HIVEP3: variants seen among roughly 807,000 people sequenced by gnomAD.
HIVEP3 encodes the protein transcription factor HIVEP3.
Under a neutral mutation model 152.8 loss-of-function variants are expected in HIVEP3, and 49 were observed. The ratio of observed to expected loss-of-function variants is 0.32; its 90% CI spans 0.26 to 0.41. HIVEP3 has a LOEUF of 0.41. HIVEP3 is among the 10% of genes least tolerant of loss of function. The probability of loss-of-function intolerance (pLI) is 1.00; values close to 1 mark genes in which losing one functional copy is unlikely to be tolerated. For missense variants in HIVEP3, 2,790 were observed against 3,103.3 expected (o/e 0.90, Z 2.40); for synonymous variants, 1,269 against 1,289.0 (o/e 0.98, Z 0.33).
intron 1 of HIVEP3, among the ~76,000 whole-genome samples, chr1:41,945,931 C>G (rs573197613): frequency 6.6e-6 from 1 of 152,224 alleles, no homozygotes; most frequent in Non-Finnish European, 1.5e-5. Context: ...AAAAGTCTGC[C>G]TTAGGCCCAG....
At chr1:41,764,856 A>G (rs1444676237) in intron 1 of HIVEP3, among the ~76,000 whole-genome samples, 1 of 152,154 alleles carries the variant, frequency 6.6e-6, no homozygotes, top group East Asian at 1.9e-4. Context: ...CATGGCAGTG[A>G]CGCTCTCCCT....
chr1:41,968,635 T>A (rs1645212444), intron 1 of HIVEP3, among the ~76,000 whole-genome samples: 1 of 152,192 alleles, frequency 6.6e-6, no homozygotes, highest in Non-Finnish European at 1.5e-5. Context: ...AGCATTCCCC[T>A]TGAAATCTGG....
At chr1:41,900,303 G>A (rs1187253472) in intron 1 of HIVEP3, among the ~76,000 whole-genome samples, 1 of 152,158 alleles carries the variant, frequency 6.6e-6, no homozygotes, top group Admixed American at 6.5e-5. Context: ...CTAACAAAGT[G>A]CCTGGTACTG....
chr1:41,828,892 C>T (rs906381680), intron 1 of HIVEP3, among the ~76,000 whole-genome samples: 2 of 152,358 alleles, frequency 1.3e-5, no homozygotes, highest in East Asian at 1.9e-4. Flanking sequence ...ATCTGGCATA[C>T]ACAATATTTT....
At chr1:41,681,734 C>A (rs1646041994) in intron 2 of HIVEP3, among the ~76,000 whole-genome samples, 1 of 152,170 alleles carries the variant, frequency 6.6e-6, no homozygotes, top group Admixed American at 6.5e-5. Flanking sequence ...GCTGGTGGCA[C>A]CTGAGGGAGG....
At chr1:41,886,699 T>G (rs1488084417) in intron 1 of HIVEP3, among the ~76,000 whole-genome samples, 1 of 73,234 alleles carries the variant, frequency 1.4e-5, no homozygotes. Context: ...GCAACAAGAG[T>G]GAAACTCCAT....
At chr1:41,737,488 G>A (rs1029998922) in intron 1 of HIVEP3, among the ~76,000 whole-genome samples, 1 of 152,168 alleles carries the variant, frequency 6.6e-6, no homozygotes, top group African/African-American at 2.4e-5. Flanking sequence ...CCAAAAGGCT[G>A]AGCATACCCC....
intron 5 of HIVEP3, among the ~76,000 whole-genome samples, chr1:41,567,559 C>T (rs866104226): frequency 4.6e-5 from 7 of 152,182 alleles, no homozygotes; most frequent in Non-Finnish European, 8.8e-5. Flanking sequence ...GAGCAAGGTG[C>T]TGGGCCTCAG....
At chr1:41,996,061 C>G (rs1325163225) in intron 1 of HIVEP3, among the ~76,000 whole-genome samples, 1 of 152,110 alleles carries the variant, frequency 6.6e-6, no homozygotes, top group Non-Finnish European at 1.5e-5. Context: ...AATAGTTTCT[C>G]TCTGTGCCAC....
At chr1:41,903,375 TGA>T (rs1362826885) in intron 1 of HIVEP3, among the ~76,000 whole-genome samples, 1 of 152,136 alleles carries the variant, frequency 6.6e-6, no homozygotes, top group African/African-American at 2.4e-5. Flanking sequence ...TCTGAAAAAT[TGA>T]GATACTAAGA....
At chr1:42,031,604 T>G (rs931334687) in intron 1 of HIVEP3, among the ~76,000 whole-genome samples, 2 of 152,176 alleles carry the variant, frequency 1.3e-5, no homozygotes, top group Non-Finnish European at 2.9e-5. Flanking sequence ...ACAACCAAAC[T>G]ATCTCTAGGT....
At chr1:42,005,986 T>G (rs1373496616) in intron 1 of HIVEP3, among the ~76,000 whole-genome samples, 1 of 152,190 alleles carries the variant, frequency 6.6e-6, no homozygotes, top group African/African-American at 2.4e-5. Context: ...CCTGGGAATT[T>G]CCAGTTCCAG....
chr1:41,746,980 C>A (rs897021921), intron 1 of HIVEP3, among the ~76,000 whole-genome samples: 2 of 152,062 alleles, frequency 1.3e-5, no homozygotes, highest in African/African-American at 4.8e-5. Flanking sequence ...ACCCCCGGCT[C>A]GAGGATCCAT....
chr1:41,900,822 G>C (rs560814937), intron 1 of HIVEP3, among the ~76,000 whole-genome samples: 1 of 152,298 alleles, frequency 6.6e-6, no homozygotes, highest in African/African-American at 2.4e-5. Context: ...AGGGAGAAAG[G>C]GGAGTGGCCG....
At chr1:41,955,128 A>G (rs1305127973) in intron 1 of HIVEP3, among the ~76,000 whole-genome samples, 1 of 152,194 alleles carries the variant, frequency 6.6e-6, no homozygotes, top group Admixed American at 6.5e-5. Context: ...TCACAACAAC[A>G]TATCAGCCAG....
rs777948023 is a variant in HIVEP3, at chr1:41,510,726, G to A, written c.6946C>T (p.Pro2316Ser). 198 of 1,546,280 alleles carry A rather than the reference G, an allele frequency of 1.3e-4. No individual in the cohort carries two copies. Among genetic ancestry groups the A allele is most frequent in the Non-Finnish European group, 1.7e-4 (193 of 1,146,146 alleles). Residue 2316 changes from proline to serine, a missense_variant, in exon 9 of 9, where the codon CCC (proline) becomes TCC (serine). Pro to Ser is a moderately conservative substitution (Grantham distance 74). Transcript: ENST00000372583. ...GCCCGGCGTCCCTGGGGCGGCCGGG[G>A]CAAGGTGTCGGGTGGGGTGCAGGGG... ...HSPCTPPDTL[P>S]RPPQGRRAAQ... is the part of the protein sequence containing the mutation.
chr1:41,971,383 A>G (rs999568188), intron 1 of HIVEP3, among the ~76,000 whole-genome samples: 5 of 152,200 alleles, frequency 3.3e-5, no homozygotes, highest in Admixed American at 2.6e-4. Context: ...TGCCCTTTGC[A>G]ATCTGATCAC....
chr1:41,950,100 A>G (rs543360232), intron 1 of HIVEP3, among the ~76,000 whole-genome samples: 424 of 152,268 alleles, frequency 2.8e-3, no homozygotes, highest in Middle Eastern at 6.8e-3. Context: ...CTCACACCCG[A>G]CCAATCAGGT....
chr1:41,520,798 G>T (rs2149050409), intron 6 of HIVEP3, among the ~76,000 whole-genome samples: 1 of 152,370 alleles, frequency 6.6e-6, no homozygotes, highest in Non-Finnish European at 1.5e-5. Context: ...CAAAGTCCAT[G>T]TAATTCAACC....
Sources: allele counts gnomAD v4.1 joint callset (sites outside exome capture counted in the v4.1 genomes callset), GRCh38; gene constraint gnomAD v4.1.1; transcripts MANE v1.5; gene names NCBI Gene and HGNC (gene_info 2026-07-23, HGNC 2026-07-21).